Variants in CPNE4 observed in about 807,000 individuals in gnomAD.
CPNE4 encodes copine-4.
In CPNE4, 25 loss-of-function variants were observed where a neutral mutation model predicts 67.9. That is an observed-to-expected ratio of 0.37 (90% CI 0.27 to 0.51). CPNE4 has a LOEUF of 0.51. CPNE4 is among the 20% of genes least tolerant of loss of function. The pLI is 0.93. For synonymous variants in CPNE4, 242 were observed against 244.9 expected, an observed-to-expected ratio of 0.99 and a Z score of 0.11; for missense variants, 464 against 690.8, an observed-to-expected ratio of 0.67 and a Z score of 3.68.
intron 1 of CPNE4, among the ~76,000 whole-genome samples, chr3:131,917,114 A>G (rs112368477): frequency 6.6e-6 from 1 of 152,186 alleles, no homozygotes; most frequent in Non-Finnish European, 1.5e-5. Flanking sequence ...ATCCACATGC[A>G]TGGAGGAGTG....
intron 10 of CPNE4, among the ~76,000 whole-genome samples, chr3:131,568,220 T>A (rs1937158928): frequency 6.6e-6 from 1 of 152,062 alleles, no homozygotes. Flanking sequence ...TGGAAAGTAG[T>A]GGTTCCTAAA....
intron 1 of CPNE4, among the ~76,000 whole-genome samples, chr3:131,987,712 G>C (rs1406171539): frequency 6.6e-6 from 1 of 152,030 alleles, no homozygotes; most frequent in African/African-American, 2.4e-5. Flanking sequence ...TTTTAGATTA[G>C]TATACTTTAC....
intron 2 of CPNE4, among the ~76,000 whole-genome samples, chr3:131,755,615 T>C (rs554953213): frequency 6.6e-6 from 1 of 152,318 alleles, no homozygotes; most frequent in East Asian, 1.9e-4. Context: ...GCTGCTTTGC[T>C]GGGAGTCACA....
chr3:131,566,045 C>T (rs2107667913), intron 10 of CPNE4, among the ~76,000 whole-genome samples: 1 of 151,912 alleles, frequency 6.6e-6, no homozygotes, highest in East Asian at 1.9e-4. Context: ...GGGTTTAAAT[C>T]CAAGTCTATA....
At chr3:131,996,596 A>G (rs576849290) in intron 1 of CPNE4, among the ~76,000 whole-genome samples, 7 of 152,148 alleles carry the variant, frequency 4.6e-5, no homozygotes, top group African/African-American at 1.7e-4. Context: ...AATGCAGTCC[A>G]GCACTCATCT....
chr3:131,870,075 C>T (rs1344269092), intron 2 of CPNE4, among the ~76,000 whole-genome samples: 2 of 152,124 alleles, frequency 1.3e-5, no homozygotes, highest in African/African-American at 2.4e-5. Flanking sequence ...GAAATGACAG[C>T]TAAGCTATGA....
intron 2 of CPNE4, among the ~76,000 whole-genome samples, chr3:131,848,427 G>A (rs1230552507): frequency 6.6e-6 from 1 of 151,986 alleles, no homozygotes; most frequent in Admixed American, 6.6e-5. Flanking sequence ...CCTTTAAAGA[G>A]CATTCCTCTG....
rs1303815533 is a variant in CPNE4 at position 131,672,546 on chromosome 3, A to G, written c.592-2782T>C. On this transcript the variant is annotated intron_variant, in intron 6 of 15. Transcript: ENST00000429747. ...GTTAATATTAACTGAGGTGAGTGCTATCTCATTGCAGTTTTGTTTTGCATA... is the reference window on the plus strand; with the variant it reads ...GTTAATATTAACTGAGGTGAGTGCTGTCTCATTGCAGTTTTGTTTTGCATA... Among the ~76,000 whole-genome samples the G allele has an allele frequency of 4.6e-5, 7 of 152,096 alleles. No individual in the cohort carries two copies. The East Asian group carries it at 1.3e-3, about 29-fold the overall frequency.
intron 2 of CPNE4, among the ~76,000 whole-genome samples, chr3:131,828,621 A>G (rs1186320977): frequency 6.6e-6 from 1 of 152,212 alleles, no homozygotes; most frequent in African/African-American, 2.4e-5. Context: ...TTGGGTGGTT[A>G]TATTTCTTTC....
intron 6 of CPNE4, among the ~76,000 whole-genome samples, chr3:131,685,023 A>G (rs1161210456): frequency 6.6e-6 from 1 of 152,222 alleles, no homozygotes; most frequent in Non-Finnish European, 1.5e-5. Context: ...CAATGTATGT[A>G]CTTTCCCTGG....
intron 10 of CPNE4, among the ~76,000 whole-genome samples, chr3:131,567,137 G>A (rs1414512241): frequency 6.6e-6 from 1 of 151,912 alleles, no homozygotes; most frequent in Non-Finnish European, 1.5e-5. Flanking sequence ...GAAGTGTTAA[G>A]GGTGTTCTGT....
intron 1 of CPNE4, among the ~76,000 whole-genome samples, chr3:131,922,959 T>C (rs1386566895): frequency 6.6e-6 from 1 of 152,186 alleles, no homozygotes; most frequent in African/African-American, 2.4e-5. Context: ...ATAATTATTA[T>C]AGATCAAGAC....
intron 2 of CPNE4, among the ~76,000 whole-genome samples, chr3:131,848,638 T>A (rs578006973): frequency 6.7e-6 from 1 of 149,014 alleles, no homozygotes; most frequent in South Asian, 2.2e-4. Context: ...GGACATTTTC[T>A]TAGGTGATTA....
At chr3:131,752,907 T>A (rs2082665149) in intron 2 of CPNE4, among the ~76,000 whole-genome samples, 1 of 152,014 alleles carries the variant, frequency 6.6e-6, no homozygotes, top group Non-Finnish European at 1.5e-5. Flanking sequence ...ATCACCAAAT[T>A]TATATCAAAG....
chr3:132,033,852 TAC>T (rs1200956379), intron 1 of CPNE4, among the ~76,000 whole-genome samples: 1 of 152,188 alleles, frequency 6.6e-6, no homozygotes, highest in Admixed American at 6.5e-5. Context: ...GTGTCTGTGA[TAC>T]CACGCGGGGT....
rs147326925 is a variant in CPNE4 at position 131,643,880 on chromosome 3, G to A, written c.681+25795C>T. Among the ~76,000 whole-genome samples, 676 of 152,100 alleles carry A rather than the reference G, an allele frequency of 4.4e-3. 5 individuals carry two copies. The highest frequency in any genetic ancestry group is 0.014 in the African/African-American group (581 of 41,476). On this transcript the variant is annotated intron_variant, in intron 7 of 15. Coordinates refer to ENST00000429747, the MANE Select transcript of CPNE4 (RefSeq NM_130808.3). ...GAAGGACTTATTTGCCTCTCCTTCCGCCACAATTGTAAGTTTTCTGAGGCC... is the reference window on the plus strand; with the variant it reads ...GAAGGACTTATTTGCCTCTCCTTCCACCACAATTGTAAGTTTTCTGAGGCC...
chr3:131,575,220 TG>T, intron 9 of CPNE4, 90 bp from the exon 10 acceptor site: 1 of 1,077,868 alleles, frequency 9.3e-7, no homozygotes, highest in African/African-American at 1.6e-5. Context: ...ACTGATAAGC[TG>T]CTAAACCAGA....
chr3:131,680,781 T>C (rs932714530), intron 6 of CPNE4, among the ~76,000 whole-genome samples: 6 of 152,152 alleles, frequency 3.9e-5, no homozygotes, highest in African/African-American at 7.2e-5. Flanking sequence ...CTGAGCAGTA[T>C]ACACTGCACT....
chr3:131,876,361 G>A (rs1351467130), intron 2 of CPNE4, among the ~76,000 whole-genome samples: 3 of 151,274 alleles, frequency 2.0e-5, no homozygotes, highest in African/African-American at 7.3e-5. Context: ...TCTTTTTCTC[G>A]GCCGGGCGTG....
Sources: allele counts gnomAD v4.1 joint callset (sites outside exome capture counted in the v4.1 genomes callset), GRCh38; gene constraint gnomAD v4.1.1; transcripts MANE v1.5; gene names NCBI Gene and HGNC (gene_info 2026-07-23, HGNC 2026-07-21).